The following TMEM132C variants were observed in gnomAD, a reference collection of about 807,000 sequenced individuals.
The protein encoded by TMEM132C is transmembrane protein 132C.
In TMEM132C, 29 loss-of-function variants were observed where a neutral mutation model predicts 61.4. That is an observed-to-expected ratio of 0.47 (90% CI 0.35 to 0.64). TMEM132C has a LOEUF of 0.64. TMEM132C is among the 30% of genes least tolerant of loss of function. The pLI is 0.00. For synonymous variants in TMEM132C, 656 were observed against 633.1 expected (o/e 1.04, Z -0.54); for missense variants, 1,408 against 1,476.9 (o/e 0.95, Z 0.76).
chr12:128,652,376 G>T (rs1302330109), intron 4 of TMEM132C, among the ~76,000 whole-genome samples: 1 of 152,222 alleles, frequency 6.6e-6, no homozygotes, highest in Non-Finnish European at 1.5e-5. Context: ...CCATTGATCT[G>T]TGTTTACAAA....
intron 4 of TMEM132C, among the ~76,000 whole-genome samples, chr12:128,620,914 C>A (rs753801492): frequency 9.9e-5 from 15 of 152,022 alleles, no homozygotes; most frequent in Non-Finnish European, 1.8e-4. Context: ...GAGATTGCTA[C>A]TTATTCTTGC....
chr12:128,292,804 T>C (rs1871287883), intron 1 of TMEM132C, among the ~76,000 whole-genome samples: 1 of 150,322 alleles, frequency 6.7e-6, no homozygotes, highest in African/African-American at 2.5e-5. Flanking sequence ...CAATAAGAAC[T>C]GTGGATCATG....
At chr12:128,559,398 G>A (rs1314603131) in intron 3 of TMEM132C, among the ~76,000 whole-genome samples, 1 of 151,864 alleles carries the variant, frequency 6.6e-6, no homozygotes, top group East Asian at 1.9e-4. Flanking sequence ...TTTTTGCCTG[G>A]AAGTACTGCT....
At chr12:128,650,349 A>G (rs1388030418) in intron 4 of TMEM132C, among the ~76,000 whole-genome samples, 1 of 152,074 alleles carries the variant, frequency 6.6e-6, no homozygotes, top group African/African-American at 2.4e-5. Flanking sequence ...AGACCCATGA[A>G]CACCTCATGT....
At chr12:128,414,100 A>T (rs191304774) in intron 1 of TMEM132C, among the ~76,000 whole-genome samples, 86 of 152,256 alleles carry the variant, frequency 5.6e-4, no homozygotes, top group Admixed American at 8.5e-4. Context: ...AAAAGTCAAC[A>T]TTTGCAGCAG....
chr12:128,486,290 C>T (rs1301796267), intron 2 of TMEM132C, among the ~76,000 whole-genome samples: 2 of 152,160 alleles, frequency 1.3e-5, no homozygotes, highest in African/African-American at 2.4e-5. Flanking sequence ...GAAGTGACAG[C>T]ATTCTCCAGA....
intron 2 of TMEM132C, among the ~76,000 whole-genome samples, chr12:128,423,510 A>G (rs968291064): frequency 3.9e-5 from 6 of 152,206 alleles, no homozygotes; most frequent in Admixed American, 3.9e-4. Flanking sequence ...TGAGAGAAGT[A>G]TTATTTTTCC....
At chr12:128,379,992 C>T (rs955990565) in intron 1 of TMEM132C, among the ~76,000 whole-genome samples, 4 of 152,214 alleles carry the variant, frequency 2.6e-5, no homozygotes, top group Non-Finnish European at 5.9e-5. Flanking sequence ...TGTCACAGTT[C>T]TGCCACTGAA....
chr12:128,438,352 C>G (rs1287820665), intron 2 of TMEM132C, among the ~76,000 whole-genome samples: 1 of 152,030 alleles, frequency 6.6e-6, no homozygotes, highest in East Asian at 1.9e-4. Flanking sequence ...TTTAAAAGAG[C>G]CTGGCACCTC....
At chr12:128,316,956 T>A (rs183996354) in intron 1 of TMEM132C, among the ~76,000 whole-genome samples, 4 of 152,294 alleles carry the variant, frequency 2.6e-5, no homozygotes, top group Admixed American at 2.6e-4. Flanking sequence ...TAACAATATA[T>A]CCATGTGACC....
intron 2 of TMEM132C, among the ~76,000 whole-genome samples, chr12:128,479,693 G>A (rs568868218): frequency 6.6e-6 from 1 of 152,302 alleles, no homozygotes; most frequent in Admixed American, 6.5e-5. Flanking sequence ...CTTTAGAGGA[G>A]TTGTCTGCTG....
At chr12:128,653,002 T>C (rs11059806) in intron 4 of TMEM132C, among the ~76,000 whole-genome samples, 7,242 of 152,248 alleles carry the variant, frequency 0.048, 224 homozygotes, top group Non-Finnish European at 0.067. Context: ...TTACTCGTAA[T>C]AGCCAAAAAG....
At chr12:128,383,175 A>G (rs1218283522) in intron 1 of TMEM132C, among the ~76,000 whole-genome samples, 1 of 151,738 alleles carries the variant, frequency 6.6e-6, no homozygotes, top group African/African-American at 2.4e-5. Context: ...CATGTGTGTC[A>G]GTGTGTGCGC....
At chr12:128,562,430 G>T (rs970365063) in intron 3 of TMEM132C, among the ~76,000 whole-genome samples, 4 of 151,878 alleles carry the variant, frequency 2.6e-5, no homozygotes, top group African/African-American at 4.8e-5. Context: ...TTTTCTTTCT[G>T]TTTTCAGCAT....
At chr12:128,595,874 G>T (rs879423286) in intron 3 of TMEM132C, among the ~76,000 whole-genome samples, 5 of 152,206 alleles carry the variant, frequency 3.3e-5, no homozygotes, top group African/African-American at 1.2e-4. Context: ...CCCCCAGAAC[G>T]TAGCCTCCCA....
chr12:128,697,881 T>C (rs1258206088), intron 8 of TMEM132C, among the ~76,000 whole-genome samples: 2 of 152,308 alleles, frequency 1.3e-5, no homozygotes, highest in East Asian at 3.9e-4. Flanking sequence ...TTGCACTTCT[T>C]TAGGGGTTTT....
Position 128,622,236 on chromosome 12 carries a change from C to T in TMEM132C, c.1305+5901C>T, listed in dbSNP as rs377704980. On this transcript the variant is annotated intron_variant, in intron 4 of 8. Coordinates refer to ENST00000435159, the MANE Select transcript of TMEM132C (RefSeq NM_001136103.3). Reference sequence around the variant, plus strand: ...GCACGTGCCTGTATTCCCAGCTACTCGGGAGGCTGAGGCAGGAGAATCACT... The same window carrying T: ...GCACGTGCCTGTATTCCCAGCTACTTGGGAGGCTGAGGCAGGAGAATCACT... Among the ~76,000 whole-genome samples the T allele has an allele frequency of 1.3e-4, 19 of 148,776 alleles. No homozygotes were observed. The East Asian group carries it at 2.4e-3, about 19-fold the overall frequency.
intron 1 of TMEM132C, among the ~76,000 whole-genome samples, chr12:128,331,487 T>G (rs758001839): frequency 1.9e-4 from 29 of 152,136 alleles, no homozygotes; most frequent in African/African-American, 2.7e-4. Flanking sequence ...CACATTTTTT[T>G]GGCACCCACT....
chr12:128,576,885 C>T (rs2136177340), intron 3 of TMEM132C, among the ~76,000 whole-genome samples: 1 of 152,284 alleles, frequency 6.6e-6, no homozygotes. Context: ...TAAAATTAAT[C>T]ACTCTCTTAG....
Sources: gnomAD v4.1 joint callset for allele counts (sites outside exome capture counted in the v4.1 genomes callset) on GRCh38, gnomAD v4.1.1 for gene constraint, MANE v1.5 for transcripts, NCBI Gene and HGNC (gene_info 2026-07-23, HGNC 2026-07-21) for gene names.